Variants in NDST4 observed in about 807,000 individuals in gnomAD.
NDST4 encodes N-heparan sulfate sulfotransferase 4.
In NDST4, 63 loss-of-function variants were observed where a neutral mutation model predicts 100.8. The observed-to-expected ratio is 0.62, with a 90% CI of 0.51 to 0.77. The LOEUF is 0.77. Among genes scored for constraint, NDST4 ranks in the 30% least tolerant of loss-of-function variants. NDST4 has a pLI of 0.00. For synonymous variants in NDST4, 377 were observed against 361.8 expected, an observed-to-expected ratio of 1.04 and a Z score of -0.48; for missense variants, 943 against 1,018.4, an observed-to-expected ratio of 0.93 and a Z score of 1.01.
chr4:115,082,448 G>A (rs1729323045), intron 1 of NDST4, among the ~76,000 whole-genome samples: 1 of 152,066 alleles, frequency 6.6e-6, no homozygotes, highest in Non-Finnish European at 1.5e-5. Context: ...TGCTACTTTT[G>A]GAAAGGCTGA....
chr4:114,974,940 C>T (rs1398923866), intron 3 of NDST4, among the ~76,000 whole-genome samples: 1 of 152,114 alleles, frequency 6.6e-6, no homozygotes, highest in East Asian at 1.9e-4. Flanking sequence ...ACTGGGAAAT[C>T]AGATCATTCT....
At chr4:115,016,600 G>A (rs1196870182) in intron 2 of NDST4, among the ~76,000 whole-genome samples, 1 of 152,106 alleles carries the variant, frequency 6.6e-6, no homozygotes, top group Non-Finnish European at 1.5e-5. Context: ...AGGGAAAGAA[G>A]GGAGTTACTA....
At chr4:114,968,973 G>C (rs1352947037) in intron 4 of NDST4, among the ~76,000 whole-genome samples, 1 of 152,148 alleles carries the variant, frequency 6.6e-6, no homozygotes, top group African/African-American at 2.4e-5. Context: ...TGTTTCAGAA[G>C]TCTTCTAGGT....
At chr4:114,920,813 C>G (rs1409624077) in intron 6 of NDST4, among the ~76,000 whole-genome samples, 1 of 152,120 alleles carries the variant, frequency 6.6e-6, no homozygotes. Flanking sequence ...GGATCAATAA[C>G]TGCAGACATG....
At position 114,854,594 on chromosome 4, in the gene NDST4, G is replaced by A. The variant is rs1723751367; in HGVS notation, c.1720-1773C>T. ...AGCGATTCTCCTGCCCCAGCCTCCC[G>A]AGTAGCTGGGACCACAGGCACGTGC... On this transcript the variant is annotated intron_variant, in intron 7 of 13. Coordinates refer to ENST00000264363, the MANE Select transcript of NDST4 (RefSeq NM_022569.3). 2.6e-5 allele frequency among the ~76,000 whole-genome samples: 4 copies of A among 151,900 alleles called. No individual in the cohort carries two copies. The South Asian group carries it at 8.3e-4, about 32-fold the overall frequency.
chr4:115,073,069 A>G (rs1378547982), intron 2 of NDST4, among the ~76,000 whole-genome samples: 2 of 151,990 alleles, frequency 1.3e-5, no homozygotes, highest in Non-Finnish European at 2.9e-5. Flanking sequence ...GTTTATAAAA[A>G]TAACATCGCT....
At chr4:114,858,399 G>A (rs1324018623) in intron 7 of NDST4, among the ~76,000 whole-genome samples, 1 of 152,106 alleles carries the variant, frequency 6.6e-6, no homozygotes, top group Non-Finnish European at 1.5e-5. Context: ...TGGGATAAGG[G>A]AAACTTCTTT....
chr4:114,881,934 A>T (rs1206405406), intron 6 of NDST4, among the ~76,000 whole-genome samples: 1 of 150,458 alleles, frequency 6.6e-6, no homozygotes, highest in Non-Finnish European at 1.5e-5. Flanking sequence ...ATTAGGAAGC[A>T]TTGACAATTA....
At chr4:115,111,165 C>T (rs1474615045) in intron 1 of NDST4, among the ~76,000 whole-genome samples, 1 of 151,896 alleles carries the variant, frequency 6.6e-6, no homozygotes, top group Non-Finnish European at 1.5e-5. Context: ...ACAAGGGGAT[C>T]ATATGAACAT....
chr4:114,835,665 A>G (rs1207637264), intron 11 of NDST4, among the ~76,000 whole-genome samples: 1 of 152,104 alleles, frequency 6.6e-6, no homozygotes, highest in Non-Finnish European at 1.5e-5. Context: ...CAATTCCTGG[A>G]TATCCTTGTT....
chr4:114,863,482 C>T (rs1723962840), intron 7 of NDST4, among the ~76,000 whole-genome samples: 2 of 152,222 alleles, frequency 1.3e-5, no homozygotes, highest in South Asian at 4.1e-4. Context: ...CATTTAATTG[C>T]ACTTTCTTAC....
intron 1 of NDST4, among the ~76,000 whole-genome samples, chr4:115,082,938 A>G (rs1369837515): frequency 6.6e-6 from 1 of 152,210 alleles, no homozygotes; most frequent in Admixed American, 6.5e-5. Flanking sequence ...GAAAAATTGT[A>G]GAGGTGAATT....
At chr4:115,071,289 C>T (rs1489074066) in intron 2 of NDST4, among the ~76,000 whole-genome samples, 2 of 147,062 alleles carry the variant, frequency 1.4e-5, no homozygotes, top group Non-Finnish European at 3.0e-5. Context: ...CACACACACA[C>T]ACACACACAC....
At chr4:114,936,791 A>C (rs1725637980) in intron 5 of NDST4, among the ~76,000 whole-genome samples, 1 of 152,160 alleles carries the variant, frequency 6.6e-6, no homozygotes, top group Non-Finnish European at 1.5e-5. Context: ...TGGAATATGC[A>C]AGGAAAAGAC....
chr4:114,969,676 A>G lies in NDST4; in HGVS notation c.1221+754T>C, dbSNP rs1208196075. Among the ~76,000 whole-genome samples the G allele has an allele frequency of 2.0e-5, 3 of 152,292 alleles. No individual in the cohort carries two copies. The East Asian group carries it at 5.8e-4, about 29-fold the overall frequency. On this transcript the variant is annotated intron_variant, in intron 4 of 13. Transcript: ENST00000264363. ...CTTTTTTATGGCTGCATAGTGTTCC[A>G]TGGTGTATATATGGACCACATTTTC...
At chr4:115,102,905 C>T (rs1729762054) in intron 1 of NDST4, among the ~76,000 whole-genome samples, 1 of 151,840 alleles carries the variant, frequency 6.6e-6, no homozygotes, top group African/African-American at 2.4e-5. Context: ...GACGGGATTT[C>T]ACCATGTTGG....
rs1728979318 is a variant in NDST4, at chr4:115,067,697, G to A, written c.978+8362C>T. ...AGATATTTACATTACTAATGGAAGA[G>A]TCCTTCTTAAATATAGTAACCTTAT... is the stretch of plus-strand genomic sequence containing the variant. On this transcript the variant is annotated intron_variant, in intron 2 of 13. Transcript: ENST00000264363. Among the ~76,000 whole-genome samples, 10 of 151,392 alleles carry A rather than the reference G, an allele frequency of 6.6e-5. No homozygotes were observed. In the South Asian group the frequency reaches 2.1e-3, roughly 32 times the overall value.
intron 2 of NDST4, among the ~76,000 whole-genome samples, chr4:115,036,746 G>A (rs1384988214): frequency 1.3e-5 from 2 of 151,680 alleles, no homozygotes; most frequent in African/African-American, 4.8e-5. Flanking sequence ...CAAAGTTCTT[G>A]ACCTCAAAGT....
intron 4 of NDST4, among the ~76,000 whole-genome samples, chr4:114,939,389 A>G (rs1272250774): frequency 6.6e-6 from 1 of 152,168 alleles, no homozygotes; most frequent in African/African-American, 2.4e-5. Flanking sequence ...CAAGTGATTC[A>G]TACTGAGGTT....
Sources: allele counts gnomAD v4.1 joint callset (sites outside exome capture counted in the v4.1 genomes callset), GRCh38; gene constraint gnomAD v4.1.1; transcripts MANE v1.5; gene names NCBI Gene and HGNC (gene_info 2026-07-23, HGNC 2026-07-21).